The following NFIB variants were observed in gnomAD, a reference collection of about 807,000 sequenced individuals.
The protein encoded by NFIB is nuclear factor 1 B-type.
A neutral mutation model predicts 61.5 loss-of-function variants in NFIB; 11 were observed. The observed-to-expected ratio is 0.18, with a 90% confidence interval of 0.11 to 0.30. The LOEUF is 0.30. Among genes scored for constraint, NFIB ranks in the 10% least tolerant of loss-of-function variants. NFIB has a pLI of 1.00. For missense variants in NFIB, 471 were observed against 608.9 expected (o/e 0.77, Z 2.38); for synonymous variants, 260 against 216.5 (o/e 1.20, Z -1.76).
intron 2 of NFIB, among the ~76,000 whole-genome samples, chr9:14,195,797 A>G (rs554231237): frequency 8.5e-5 from 13 of 152,324 alleles, no homozygotes; most frequent in Non-Finnish European, 1.9e-4. Flanking sequence ...ATGTCACACC[A>G]TGAAAAACAC....
rs959409615 is a variant in NFIB at position 14,313,193 on chromosome 9, G to A, written c.30+289C>T. On this transcript the variant is annotated intron_variant, in intron 1 of 10. Coordinates refer to ENST00000380953, the MANE Select transcript of NFIB (RefSeq NM_001190737.2). The surrounding 1 kb of genome is among the most constrained non-coding windows in gnomAD (Gnocchi z 4.5). ...ACAACGGGCACTTGAGGGGCCGCAC[G>A]GGGCCTCGCACTTACAGGTCCCGGC... Among the ~76,000 whole-genome samples the A allele has an allele frequency of 3.3e-5, 5 of 152,014 alleles. No homozygotes were observed. Among genetic ancestry groups the A allele is most frequent in the South Asian group, 2.1e-4 (1 of 4,828 alleles).
chr9:14,512,365 A>T, the NFIB span, among the ~76,000 whole-genome samples: 4 of 150,836 alleles, frequency 2.7e-5, no homozygotes. Flanking sequence ...CAGACAACAC[A>T]CTCTGTGAAA....
intron 2 of NFIB, among the ~76,000 whole-genome samples, chr9:14,210,603 T>C (rs1371700012): frequency 6.6e-6 from 1 of 151,824 alleles, no homozygotes; most frequent in African/African-American, 2.4e-5. Flanking sequence ...CAAATATAAA[T>C]AGCATCGTTA....
the NFIB span, among the ~76,000 whole-genome samples, chr9:14,515,663 C>T: frequency 6.6e-6 from 1 of 152,104 alleles, no homozygotes; most frequent in African/African-American, 2.4e-5. Flanking sequence ...CGTCTGAGGC[C>T]CAATGTCCTA....
At chr9:14,341,425 C>T (rs1358709642) in intron 1 of NFIB, among the ~76,000 whole-genome samples, 2 of 152,142 alleles carry the variant, frequency 1.3e-5, no homozygotes, top group Non-Finnish European at 2.9e-5. Context: ...AAAGATGAAA[C>T]AGGTTTCCAC....
At chr9:14,434,489 T>G in the NFIB span, among the ~76,000 whole-genome samples, 1 of 152,230 alleles carries the variant, frequency 6.6e-6, no homozygotes, top group Non-Finnish European at 1.5e-5. Flanking sequence ...AAATGGGGAC[T>G]GCAGAGACTC....
chr9:14,273,890 A>G (rs2057803285), intron 2 of NFIB, among the ~76,000 whole-genome samples: 1 of 152,184 alleles, frequency 6.6e-6, no homozygotes, highest in African/African-American at 2.4e-5. Context: ...TGCCCCCGAA[A>G]TTGTTCACTA....
In NFIB at chr9:14,348,902, A is replaced by AT. The variant is rs1197915566; in HGVS notation, c.109-41383dup. 7.9e-5 allele frequency among the ~76,000 whole-genome samples: 12 copies of AT among 152,384 alleles called. No individual in the cohort carries two copies. In the South Asian group the frequency reaches 2.5e-3, roughly 32 times the overall value. ...GCTTGCGCCTTCATGCGTGTCTAAC[A>AT]TTAAAAACAAAAAAACCTCCTGGCG... On this transcript the variant is annotated intron_variant, in intron 1 of 8. Coordinates refer to the NFIB transcript ENST00000380934.
chr9:14,161,637 C>T (rs1460567583), intron 3 of NFIB, among the ~76,000 whole-genome samples: 2 of 151,958 alleles, frequency 1.3e-5, no homozygotes, highest in African/African-American at 4.8e-5. Context: ...CTATATATTG[C>T]ATGGCTGTAT....
At chr9:14,291,340 C>T (rs998148639) in intron 2 of NFIB, among the ~76,000 whole-genome samples, 1 of 151,858 alleles carries the variant, frequency 6.6e-6, no homozygotes, top group Non-Finnish European at 1.5e-5. Flanking sequence ...CAAAAATTAG[C>T]CAGGTGTGGT....
chr9:14,166,233 CTTAAT>C (rs780454728), intron 3 of NFIB, among the ~76,000 whole-genome samples: 72 of 152,078 alleles, frequency 4.7e-4, no homozygotes, highest in Non-Finnish European at 8.2e-4. Flanking sequence ...CTTTCCTGTT[CTTAAT>C]TTTTTTATTG....
At chr9:14,488,114 G>A in the NFIB span, among the ~76,000 whole-genome samples, 8 of 152,076 alleles carry the variant, frequency 5.3e-5, no homozygotes, top group East Asian at 3.9e-4. Flanking sequence ...TGGCTGGCTC[G>A]TGTCTGTAAT....
intron 4 of NFIB, among the ~76,000 whole-genome samples, chr9:14,151,251 T>C (rs184680001): frequency 6.6e-6 from 1 of 152,254 alleles, no homozygotes; most frequent in Admixed American, 6.5e-5. Context: ...CCTCCAAACT[T>C]CTTCCCTGGT....
At chr9:14,500,220 G>T in the NFIB span, among the ~76,000 whole-genome samples, 1 of 152,156 alleles carries the variant, frequency 6.6e-6, no homozygotes, top group African/African-American at 2.4e-5. Flanking sequence ...CAAGTCAGTA[G>T]GGCAGCGAGG....
intron 2 of NFIB, among the ~76,000 whole-genome samples, chr9:14,273,976 A>AT (rs2057811847): frequency 6.6e-6 from 1 of 152,112 alleles, no homozygotes; most frequent in Admixed American, 6.6e-5. Context: ...ATGTCATATA[A>AT]TAGATTTGAG....
chr9:14,188,882 A>G (rs762297660), intron 2 of NFIB, among the ~76,000 whole-genome samples: 1 of 152,240 alleles, frequency 6.6e-6, no homozygotes, highest in African/African-American at 2.4e-5. Flanking sequence ...TGCTGGTGAA[A>G]TAAGAATCTG....
the NFIB span, among the ~76,000 whole-genome samples, chr9:14,518,840 A>T: frequency 6.6e-6 from 1 of 152,142 alleles, no homozygotes; most frequent in East Asian, 1.9e-4. Context: ...CATATTTCCA[A>T]TTCCCAACTT....
the NFIB span, among the ~76,000 whole-genome samples, chr9:14,411,139 T>C: frequency 6.6e-6 from 1 of 152,238 alleles, no homozygotes; most frequent in Non-Finnish European, 1.5e-5. Context: ...TTATTTCATT[T>C]AGAAATCTTC....
At chr9:14,197,308 A>C in intron 2 of NFIB, among the ~76,000 whole-genome samples, 1 of 152,308 alleles carries the variant, frequency 6.6e-6, no homozygotes, top group East Asian at 1.9e-4. Context: ...AGCTATAATA[A>C]AACTTTATTC....
Sources: gnomAD v4.1 joint callset for allele counts (sites outside exome capture counted in the v4.1 genomes callset) on GRCh38, gnomAD v4.1.1 for gene constraint, Gnocchi (gnomAD v3.1) non-coding constraint, MANE v1.5 for transcripts, NCBI Gene and HGNC (gene_info 2026-07-23, HGNC 2026-07-21) for gene names.